Variants in MDGA2 observed in about 807,000 individuals in gnomAD.
The protein encoded by MDGA2 is MAM domain-containing glycosylphosphatidylinositol anchor protein 2.
In MDGA2, 40 loss-of-function variants were observed where a neutral mutation model predicts 117.8. That is an observed-to-expected ratio of 0.34 (90% CI 0.26 to 0.44). The LOEUF is 0.44. Ranked by LOEUF, MDGA2 falls within the 20% of genes least tolerant of loss-of-function variation. The probability of loss-of-function intolerance (pLI) is 1.00; values close to 1 mark genes in which losing one functional copy is unlikely to be tolerated. For missense variants in MDGA2, 1,123 were observed against 1,250.6 expected (o/e 0.90, Z 1.54); for synonymous variants, 452 against 439.0 (o/e 1.03, Z -0.37).
At chr14:46,869,933 A>T (rs1881930731) in intron 14 of MDGA2, among the ~76,000 whole-genome samples, 1 of 151,914 alleles carries the variant, frequency 6.6e-6, no homozygotes, top group Non-Finnish European at 1.5e-5. Flanking sequence ...CCTGCCAAAA[A>T]TCAAGCAAGT....
chr14:46,996,073 G>C (rs1215894816), intron 8 of MDGA2, among the ~76,000 whole-genome samples: 1 of 152,096 alleles, frequency 6.6e-6, no homozygotes, highest in Non-Finnish European at 1.5e-5. Flanking sequence ...TTTATGTTAA[G>C]AGTTTTGTAA....
At chr14:47,457,937 TAAGAG>T (rs2138585114) in intron 1 of MDGA2, among the ~76,000 whole-genome samples, 1 of 152,074 alleles carries the variant, frequency 6.6e-6, no homozygotes, top group African/African-American at 2.4e-5. Context: ...TCCAAGTGGT[TAAGAG>T]GATAGTGCTC....
chr14:47,608,612 G>T (rs185974766), intron 1 of MDGA2, among the ~76,000 whole-genome samples: 23 of 152,234 alleles, frequency 1.5e-4, no homozygotes, highest in African/African-American at 4.8e-4. Context: ...GGCAACAAGG[G>T]CCTGATCATA....
At chr14:47,287,788 T>C (rs1888737735) in intron 2 of MDGA2, among the ~76,000 whole-genome samples, 1 of 152,160 alleles carries the variant, frequency 6.6e-6, no homozygotes, top group Non-Finnish European at 1.5e-5. Context: ...GTTGCAGGTA[T>C]AACTAGTTGA....
intron 10 of MDGA2, among the ~76,000 whole-genome samples, chr14:46,906,972 C>CTTTTTTTTTT (rs372756942): frequency 2.0e-5 from 2 of 99,564 alleles, no homozygotes; most frequent in African/African-American, 3.8e-5. Context: ...TTACCTTTTT[C>CTTTTTTTTTT]TTTTTTTTTT....
At chr14:47,598,006 T>C (rs1896579411) in intron 1 of MDGA2, among the ~76,000 whole-genome samples, 1 of 152,096 alleles carries the variant, frequency 6.6e-6, no homozygotes, top group Non-Finnish European at 1.5e-5. Context: ...GACATAGTCA[T>C]AAAGTGTGCT....
At chr14:47,108,575 A>G (rs9796369) in intron 5 of MDGA2, among the ~76,000 whole-genome samples, 15,777 of 150,380 alleles carry the variant, frequency 0.1, 383 homozygotes, top group Admixed American at 0.11. Flanking sequence ...CCCCACTCCT[A>G]CCCGCCAGAG....
At chr14:47,126,639 CTAGA>C (rs988609156) in intron 5 of MDGA2, among the ~76,000 whole-genome samples, 4 of 152,066 alleles carry the variant, frequency 2.6e-5, no homozygotes, top group African/African-American at 9.7e-5. Context: ...CGAAGCAGTT[CTAGA>C]TAATTAATTT....
chr14:47,484,721 G>C (rs929450571), intron 1 of MDGA2, among the ~76,000 whole-genome samples: 1 of 152,044 alleles, frequency 6.6e-6, no homozygotes, highest in Non-Finnish European at 1.5e-5. Context: ...AAATCGTAGG[G>C]GCAGGTCTTT....
chr14:47,425,346 C>T (rs950251450), intron 1 of MDGA2, among the ~76,000 whole-genome samples: 13 of 152,194 alleles, frequency 8.5e-5, no homozygotes, highest in African/African-American at 3.1e-4. Context: ...GATACATACA[C>T]CCTCATTTAA....
chr14:47,322,883 C>G (rs1275599946), intron 1 of MDGA2, among the ~76,000 whole-genome samples: 1 of 151,990 alleles, frequency 6.6e-6, no homozygotes, highest in Non-Finnish European at 1.5e-5. Flanking sequence ...ACCTCCCTCT[C>G]CCTTCCAACC....
chr14:47,308,439 T>C (rs939017580), intron 1 of MDGA2, among the ~76,000 whole-genome samples: 2 of 151,846 alleles, frequency 1.3e-5, no homozygotes, highest in African/African-American at 4.8e-5. Flanking sequence ...TCCACATTCT[T>C]AAAAAATAAA....
chr14:47,241,585 A>T (rs1887042651), intron 2 of MDGA2, among the ~76,000 whole-genome samples: 1 of 151,878 alleles, frequency 6.6e-6, no homozygotes. Flanking sequence ...CCTTGAACCA[A>T]AAGTTTAAGT....
At chr14:47,292,894 C>T (rs72682151) in intron 2 of MDGA2, among the ~76,000 whole-genome samples, 13,871 of 152,198 alleles carry the variant, frequency 0.091, 783 homozygotes, top group Non-Finnish European at 0.11. Flanking sequence ...TTGTCATAAA[C>T]CCTTGTTGAT....
intron 1 of MDGA2, among the ~76,000 whole-genome samples, chr14:47,529,781 C>A (rs1407067140): frequency 6.6e-6 from 1 of 152,114 alleles, no homozygotes; most frequent in Admixed American, 6.5e-5. Flanking sequence ...TGGCTAAATG[C>A]CGTTATGCAT....
At chr14:47,345,919 C>A (rs1484968076) in intron 1 of MDGA2, among the ~76,000 whole-genome samples, 1 of 151,736 alleles carries the variant, frequency 6.6e-6, no homozygotes, top group Non-Finnish European at 1.5e-5. Context: ...GAACAGAGGA[C>A]ACTAAAGGTT....
intron 6 of MDGA2, among the ~76,000 whole-genome samples, chr14:47,094,321 G>C (rs1480776994): frequency 1.3e-5 from 2 of 151,946 alleles, no homozygotes; most frequent in Admixed American, 6.6e-5. Flanking sequence ...AATTTTTAAG[G>C]CTTTGTTTAT....
At chr14:46,941,708 G>T (rs942125643) in intron 9 of MDGA2, among the ~76,000 whole-genome samples, 9 of 152,066 alleles carry the variant, frequency 5.9e-5, no homozygotes, top group African/African-American at 2.2e-4. Context: ...CTAAACATAG[G>T]ATATTAATAT....
intron 16 of MDGA2, among the ~76,000 whole-genome samples, chr14:46,844,713 AT>A (rs1161762517): frequency 6.6e-6 from 1 of 152,076 alleles, no homozygotes; most frequent in Non-Finnish European, 1.5e-5. Flanking sequence ...AATCTGCATA[AT>A]CCCCATGTTT....
Sources: allele counts gnomAD v4.1 joint callset (sites outside exome capture counted in the v4.1 genomes callset), GRCh38; gene constraint gnomAD v4.1.1; transcripts MANE v1.5; gene names NCBI Gene and HGNC (gene_info 2026-07-23, HGNC 2026-07-21).